CLASP1: variants seen among roughly 807,000 people sequenced by gnomAD.
The protein encoded by CLASP1 is cytoplasmic linker associated protein 1.
A neutral mutation model predicts 192.3 loss-of-function variants in CLASP1; 38 were observed. That is an observed-to-expected ratio of 0.20 (90% CI 0.15 to 0.26). CLASP1 has a LOEUF of 0.26. CLASP1 is among the 10% of genes least tolerant of loss of function. CLASP1 has a pLI of 1.00. For missense variants in CLASP1, 1,433 were observed against 1,932.5 expected (o/e 0.74, Z 4.85); for synonymous variants, 691 against 712.8 (o/e 0.97, Z 0.49).
At chr2:121,338,152 G>A (rs142070246) in exon 40 of CLASP1, 1 of 152,304 alleles carries the variant, frequency 6.6e-6, no homozygotes, top group Non-Finnish European at 1.5e-5. Context: ...GTAACATTAC[G>A]CTTGATAAAT....
chr2:121,638,213 C>A (rs1440905135), intron 1 of CLASP1, among the ~76,000 whole-genome samples: 1 of 151,732 alleles, frequency 6.6e-6, no homozygotes, highest in Non-Finnish European at 1.5e-5. Context: ...TGAAAAGATG[C>A]CTAACAACTT....
intron 7 of CLASP1, among the ~76,000 whole-genome samples, chr2:121,510,650 T>C (rs1358342401): frequency 6.6e-6 from 1 of 151,420 alleles, no homozygotes; most frequent in East Asian, 1.9e-4. Flanking sequence ...ATACAGAAAT[T>C]ACCCGCGCAT....
chr2:121,533,553 G>A (rs2094955395), intron 2 of CLASP1, among the ~76,000 whole-genome samples: 1 of 152,116 alleles, frequency 6.6e-6, no homozygotes, highest in Non-Finnish European at 1.5e-5. Flanking sequence ...CAGCCCTTAG[G>A]TTTATAAAAC....
At chr2:121,529,246 C>T (rs2094679121) in intron 3 of CLASP1, among the ~76,000 whole-genome samples, 1 of 152,156 alleles carries the variant, frequency 6.6e-6, no homozygotes, top group Non-Finnish European at 1.5e-5. Flanking sequence ...AGACAGAGCC[C>T]AGCTCTCCAT....
At chr2:121,409,090 G>T (rs1353150775) in intron 24 of CLASP1, 6 of 1,506,188 alleles carry the variant, frequency 4.0e-6, no homozygotes, top group South Asian at 1.2e-5. Flanking sequence ...AAAGCATAGA[G>T]AATTATGTCA....
chr2:121,520,101 CAT>C (rs1158974803), intron 6 of CLASP1, among the ~76,000 whole-genome samples: 1 of 152,214 alleles, frequency 6.6e-6, no homozygotes, highest in Non-Finnish European at 1.5e-5. Context: ...CTTCCTTCCT[CAT>C]AGTCACTGCA....
intron 35 of CLASP1, among the ~76,000 whole-genome samples, chr2:121,367,307 C>T (rs2067605247): frequency 6.6e-6 from 1 of 152,212 alleles, no homozygotes; most frequent in Admixed American, 6.5e-5. Flanking sequence ...GTAGAGTTGG[C>T]CTTCCCTCAT....
intron 19 of CLASP1, among the ~76,000 whole-genome samples, chr2:121,434,226 G>A (rs1222007366): frequency 1.3e-5 from 2 of 152,104 alleles, no homozygotes; most frequent in Admixed American, 6.5e-5. Flanking sequence ...TAACAAAGCT[G>A]TCATAGGTTT....
chr2:121,360,655 C>T (rs1175007513), intron 37 of CLASP1, among the ~76,000 whole-genome samples: 1 of 147,846 alleles, frequency 6.8e-6, no homozygotes, highest in Non-Finnish European at 1.5e-5. Context: ...AACCTAAATA[C>T]ACAGGTTCTT....
intron 4 of CLASP1, 54 bp downstream of exon 4, chr2:121,528,623 C>G: frequency 2.9e-6 from 4 of 1,363,052 alleles, no homozygotes; most frequent in South Asian, 1.2e-5. Flanking sequence ...CACCCTCGCA[C>G]GTGCATGCAC....
At chr2:121,409,925 G>A (rs772435710) in intron 24 of CLASP1, among the ~76,000 whole-genome samples, 4 of 152,204 alleles carry the variant, frequency 2.6e-5, no homozygotes, top group Non-Finnish European at 5.9e-5. Flanking sequence ...ACTGCTCACA[G>A]ACACTTGTCA....
intron 19 of CLASP1, among the ~76,000 whole-genome samples, chr2:121,432,824 G>A (rs2081660007): frequency 6.6e-6 from 1 of 151,948 alleles, no homozygotes; most frequent in African/African-American, 2.4e-5. Flanking sequence ...CAGATTTGGG[G>A]TTATCTAAAT....
intron 8 of CLASP1, among the ~76,000 whole-genome samples, chr2:121,484,888 T>C (rs556626250): frequency 3.9e-5 from 6 of 152,314 alleles, no homozygotes; most frequent in African/African-American, 9.6e-5. Flanking sequence ...TCTACTACAT[T>C]TCAGGCACTT....
chr2:121,366,924 AC>A (rs2149259716), intron 35 of CLASP1, among the ~76,000 whole-genome samples: 1 of 152,320 alleles, frequency 6.6e-6, no homozygotes, highest in African/African-American at 2.4e-5. Context: ...CCAGAAAGAA[AC>A]CAGACTAGCT....
chr2:121,626,122 G>A (rs973914576), intron 1 of CLASP1, among the ~76,000 whole-genome samples: 4 of 151,280 alleles, frequency 2.6e-5, no homozygotes, highest in Non-Finnish European at 4.4e-5. Flanking sequence ...AGAGAGAAGA[G>A]GACATCTGAT....
chr2:121,496,093 C>A (rs1333254294), intron 8 of CLASP1, among the ~76,000 whole-genome samples: 10 of 152,244 alleles, frequency 6.6e-5, no homozygotes, highest in African/African-American at 2.4e-4. Context: ...ACACTGTCCA[C>A]ACTTCCCCAC....
chr2:121,366,023 T>G (rs1489919208), intron 35 of CLASP1, among the ~76,000 whole-genome samples: 1 of 152,212 alleles, frequency 6.6e-6, no homozygotes, highest in Non-Finnish European at 1.5e-5. Flanking sequence ...AGACAAGTTA[T>G]TAGGAACTAC....
At chr2:121,511,359 C>T (rs758228002) in intron 7 of CLASP1, among the ~76,000 whole-genome samples, 6 of 152,068 alleles carry the variant, frequency 3.9e-5, no homozygotes, top group Admixed American at 3.9e-4. Context: ...GAGGCCGAGG[C>T]GGGTGGATCA....
intron 1 of CLASP1, among the ~76,000 whole-genome samples, chr2:121,637,611 G>A (rs192745476): frequency 6.6e-6 from 1 of 152,270 alleles, no homozygotes; most frequent in East Asian, 1.9e-4. Context: ...GGCTGGCGTG[G>A]TGGCTCATGC....
Sources: allele counts gnomAD v4.1 joint callset (sites outside exome capture counted in the v4.1 genomes callset), GRCh38; gene constraint gnomAD v4.1.1; transcripts MANE v1.5; gene names NCBI Gene and HGNC (gene_info 2026-07-23, HGNC 2026-07-21).